ZNF562: variants seen among roughly 807,000 people sequenced by gnomAD.
ZNF562 encodes zinc finger protein 562.
A neutral mutation model predicts 17.5 loss-of-function variants in ZNF562; 13 were observed. The ratio of observed to expected loss-of-function variants is 0.74; its 90% confidence interval spans 0.48 to 1.18. The LOEUF (loss-of-function observed/expected upper bound fraction) is 1.18, where lower values mean the gene tolerates loss of function less well. Ranked by LOEUF, ZNF562 falls within the 50% of genes most tolerant of loss-of-function variation. ZNF562 has a pLI of 0.00. For synonymous variants in ZNF562, 163 were observed against 165.4 expected, an observed-to-expected ratio of 0.99 and a Z score of 0.11; for missense variants, 481 against 498.5, an observed-to-expected ratio of 0.96 and a Z score of 0.33.
In ZNF562 at chr19:9,642,405, A is replaced by G. The variant is rs2074778269; in HGVS notation, c.*10544T>C. On this transcript the variant is annotated 3_prime_UTR_variant, in exon 6 of 6. Coordinates refer to ENST00000453372, the MANE Select transcript of ZNF562 (RefSeq NM_001130031.2). The stretch of plus-strand genomic sequence containing the variant: ...TCAAGCAGTCCTTTGCCTGAGTACC[A>G]GGGACTACATACGTGCACCACCACA... 6.6e-6 allele frequency: 1 copy of G among 151,672 alleles called. No individual in the cohort carries two copies. The highest frequency in any genetic ancestry group is 6.6e-5 in the Admixed American group (1 of 15,224). The allele number at this position is 151,672 out of a possible 1,614,324, so 9.4% of individuals were successfully genotyped here.
In ZNF562 at chr19:9,645,669, C is replaced by T. The variant is rs1316201668; in HGVS notation, c.*7280G>A. On this transcript the variant is annotated 3_prime_UTR_variant, in exon 6 of 6. Transcript: ENST00000453372. The stretch of plus-strand genomic sequence containing the variant: ...AATCTACCACAGGGTGTCACTGGGC[C>T]TCTGTCAAGGAGCCTATTCTTTCTG... 1 of 152,164 alleles carries T rather than the reference C, an allele frequency of 6.6e-6. No individual in the cohort carries two copies. The highest frequency in any genetic ancestry group is 1.5e-5 in the Non-Finnish European group (1 of 68,032). The allele number at this position is 152,164 out of a possible 1,614,324, so 9.4% of individuals were successfully genotyped here.
In ZNF562 at chr19:9,645,919, A is replaced by G. The variant is rs1339004356; in HGVS notation, c.*7030T>C. The stretch of plus-strand genomic sequence containing the variant: ...AAGAATAAAATAAATTAAAGGTATG[A>G]TCAATACACATCAGTACAAAGAGGG... On this transcript the variant is annotated 3_prime_UTR_variant, in exon 6 of 6. Coordinates refer to ENST00000453372, the MANE Select transcript of ZNF562 (RefSeq NM_001130031.2). The G allele has an allele frequency of 1.3e-5, 2 of 152,228 alleles. No homozygotes were observed. Among genetic ancestry groups the G allele is most frequent in the Non-Finnish European group, 2.9e-5 (2 of 68,044 alleles). The allele number at this position is 152,228 out of a possible 1,614,324, so 9.4% of individuals were successfully genotyped here. A position where few individuals can be genotyped will look rare whatever the true frequency, so the allele number is the denominator to read the frequency against.
In ZNF562 at chr19:9,653,596, C is replaced by G; in HGVS notation, c.634G>C (p.Gly212Arg). 1 of 1,614,148 alleles carries G rather than the reference C, an allele frequency of 6.2e-7. No individual in the cohort carries two copies. The highest frequency in any genetic ancestry group is 8.5e-7 in the Non-Finnish European group (1 of 1,180,012). Residue 212 changes from glycine (G) to arginine (R), a missense_variant, in exon 6 of 6, where the codon GGC (glycine) becomes CGC (arginine). Gly to Arg is a moderately radical substitution (Grantham distance 125). This residue lies in a region of ZNF562 where 403 missense variants were observed against 386.4 expected (regional missense o/e 1.04). Coordinates refer to ENST00000453372, the MANE Select transcript of ZNF562 (RefSeq NM_001130031.2). ...QPYKCKECGK[G>R]FKYFASLDNH... ...TCAAGGCTTGCAAAATACTTAAAGC[C>G]TTTTCCACATTCCTTACATTTGTAG...
At chr19:9,664,995 G>A (rs929416802) in intron 1 of ZNF562, among the ~76,000 whole-genome samples, 6 of 152,200 alleles carry the variant, frequency 3.9e-5, no homozygotes, top group African/African-American at 1.2e-4. Flanking sequence ...GCCAAGGCAG[G>A]TGGCTCACCT....
intron 1 of ZNF562, among the ~76,000 whole-genome samples, chr19:9,669,734 G>GCGCACACACA (rs1221319747): frequency 6.0e-4 from 66 of 109,326 alleles, no homozygotes; most frequent in East Asian, 1.2e-3. Context: ...GCGCGCGCGC[G>GCGCACACACA]CACACACACA....
intron 1 of ZNF562, among the ~76,000 whole-genome samples, chr19:9,662,742 T>C (rs2043800798): frequency 1.3e-5 from 2 of 151,242 alleles, no homozygotes; most frequent in African/African-American, 4.9e-5. Flanking sequence ...TAGCCAGTTG[T>C]GGTGTTGGGC....
chr19:9,652,889 C>T lies in ZNF562; in HGVS notation c.*60G>A. ...TTCTTTACATACAAAAGGTTTCTCT[C>T]TGGTAGGAGTTCACAGGTGGGGTGA... On this transcript the variant is annotated 3_prime_UTR_variant, in exon 6 of 6. Transcript: ENST00000453372. The T allele has an allele frequency of 7.0e-7, 1 of 1,429,274 alleles. No homozygotes were observed. The highest frequency in any genetic ancestry group is 2.4e-5 in the East Asian group (1 of 42,246). The allele number at this position is 1,429,274 out of a possible 1,614,324, so 88.5% of individuals were successfully genotyped here. A position where few individuals can be genotyped will look rare whatever the true frequency, so the allele number is the denominator to read the frequency against.
chr19:9,672,904 G>A (rs114428504), intron 1 of ZNF562, among the ~76,000 whole-genome samples: 4,693 of 150,854 alleles, frequency 0.031, 244 homozygotes, highest in African/African-American at 0.11. Context: ...CTCAGCCTCC[G>A]GAGTAGCTGT....
chr19:9,663,799 C>T (rs1419753128), intron 1 of ZNF562, among the ~76,000 whole-genome samples: 1 of 152,052 alleles, frequency 6.6e-6, no homozygotes, highest in African/African-American at 2.4e-5. Context: ...GCCTCAGCCT[C>T]TCAAGTAGCT....
rs1414180389 is a variant in ZNF562, at chr19:9,659,400, G to C, written c.93C>G (p.Asp31Glu). Residue 31 changes from aspartate (D) to glutamate (E), a missense_variant, in exon 3 of 6, where the codon GAC (aspartate) becomes GAG (glutamate). Around this residue, in one of 2 missense-constraint regions of ZNF562, gnomAD observed 403 missense variants for 386.4 expected, o/e 1.04. Transcript: ENST00000453372. Reference protein sequence around the residue: ...EKTKIGTMVEDHRSNSYQDSV... With the variant: ...EKTKIGTMVEEHRSNSYQDSV... ...TTACCTGGTAAGAATTTGACCGGTGGTCCTCTACCATCGTTCCTATCTTTG... is the reference window on the plus strand; with the variant it reads ...TTACCTGGTAAGAATTTGACCGGTGCTCCTCTACCATCGTTCCTATCTTTG... 6.4e-7 allele frequency: 1 copy of C among 1,551,238 alleles called. No individual in the cohort carries two copies. Among genetic ancestry groups the C allele is most frequent in the Admixed American group, 2.0e-5 (1 of 50,962 alleles).
intron 5 of ZNF562, among the ~76,000 whole-genome samples, chr19:9,654,679 C>A (rs1457029910): frequency 6.6e-6 from 1 of 151,984 alleles, no homozygotes; most frequent in Non-Finnish European, 1.5e-5. Context: ...AAACTCTTGA[C>A]CTTCTCATCC....
At chr19:9,673,033 T>G (rs1038918213) in intron 1 of ZNF562, among the ~76,000 whole-genome samples, 2 of 152,144 alleles carry the variant, frequency 1.3e-5, no homozygotes, top group Non-Finnish European at 2.9e-5. Flanking sequence ...CTAGTTACTG[T>G]AAACAACCTT....
intron 4 of ZNF562, among the ~76,000 whole-genome samples, chr19:9,657,630 C>A (rs1391522124): frequency 6.6e-6 from 1 of 151,114 alleles, no homozygotes; most frequent in Admixed American, 6.6e-5. Flanking sequence ...CACTGCAACC[C>A]CTGCCTCCTG....
Position 9,645,791 on chromosome 19 carries a change from A to G in ZNF562, c.*7158T>C, listed in dbSNP as rs1182026026. The G allele has an allele frequency of 6.6e-6, 1 of 152,246 alleles. No homozygotes were observed. Among genetic ancestry groups the G allele is most frequent in the East Asian group, 1.9e-4 (1 of 5,208 alleles). 9.4% of individuals were successfully genotyped at this position (152,246 alleles called of 1,614,324 possible). A position where few individuals can be genotyped will look rare whatever the true frequency, so the allele number is the denominator to read the frequency against. On this transcript the variant is annotated 3_prime_UTR_variant, in exon 6 of 6. Coordinates refer to ENST00000453372, the MANE Select transcript of ZNF562 (RefSeq NM_001130031.2). The stretch of plus-strand genomic sequence containing the variant: ...TATATGGGAATCACTTTATTCAAAC[A>G]GTGTAGTGCACTTAGTTAGAAAGAA...
rs2074835193 is a variant in ZNF562, at chr19:9,649,227, A to G, written c.*3722T>C. On this transcript the variant is annotated 3_prime_UTR_variant, in exon 6 of 6. Transcript: ENST00000453372. ...ATTTCCTATGCCTGTCTTTACTTTA[A>G]TCTCTCAATCCTGTCAGCTGAGGAG... The G allele has an allele frequency of 6.6e-6, 1 of 152,158 alleles. No homozygotes were observed. Among genetic ancestry groups the G allele is most frequent in the African/African-American group, 2.4e-5 (1 of 41,434 alleles). 9.4% of individuals were successfully genotyped at this position (152,158 alleles called of 1,614,324 possible).
chr19:9,648,137 A>G lies in ZNF562; in HGVS notation c.*4812T>C, dbSNP rs1232995095. The G allele has an allele frequency of 1.3e-5, 2 of 152,130 alleles. No individual in the cohort carries two copies. The highest frequency in any genetic ancestry group is 2.1e-4 in the South Asian group (1 of 4,828). The allele number at this position is 152,130 out of a possible 1,614,324, so 9.4% of individuals were successfully genotyped here. A position where few individuals can be genotyped will look rare whatever the true frequency, so the allele number is the denominator to read the frequency against. On this transcript the variant is annotated 3_prime_UTR_variant, in exon 6 of 6. Transcript: ENST00000453372. ...CATTATATACAAATATCATTAAGGGACAATTTTTTAAAAATCACAATGTTA... is the reference window on the plus strand; with the variant it reads ...CATTATATACAAATATCATTAAGGGGCAATTTTTTAAAAATCACAATGTTA...
At chr19:9,660,580 TG>T in intron 2 of ZNF562, 139 bp downstream of exon 2, 1 of 780,658 alleles carries the variant, frequency 1.3e-6, no homozygotes, top group Non-Finnish European at 2.0e-6. Flanking sequence ...CACTTCAGCC[TG>T]GGCAACAAGA....
At chr19:9,659,160 G>C (rs538355867) in intron 3 of ZNF562, among the ~76,000 whole-genome samples, 54 of 152,346 alleles carry the variant, frequency 3.5e-4, no homozygotes, top group African/African-American at 1.3e-3. Flanking sequence ...TGAAGGTCAA[G>C]CTTAAGTAGT....
At chr19:9,655,857 C>T (rs555833096) in intron 5 of ZNF562, among the ~76,000 whole-genome samples, 10 of 148,972 alleles carry the variant, frequency 6.7e-5, no homozygotes, top group South Asian at 2.1e-4. Context: ...CTCAGCCGCC[C>T]GAGTAACTAG....
Sources: gnomAD v4.1 joint callset for allele counts (sites outside exome capture counted in the v4.1 genomes callset) on GRCh38, gnomAD v4.1.1 for gene constraint, gnomAD v4.1.1 regional missense constraint, MANE v1.5 for transcripts, NCBI Gene and HGNC (gene_info 2026-07-23, HGNC 2026-07-21) for gene names.